Variants in SULT2B1 observed in about 807,000 individuals in gnomAD.
SULT2B1 encodes sulfotransferase family 2B member 1, also known as sulfotransferase 2B1.
Under a neutral mutation model 33.2 loss-of-function variants are expected in SULT2B1, and 16 were observed. The observed-to-expected ratio is 0.48, with a 90% CI of 0.33 to 0.73. The LOEUF (loss-of-function observed/expected upper bound fraction) is 0.73. SULT2B1 is among the 30% of genes least tolerant of loss of function. The probability of loss-of-function intolerance (pLI) is 0.02; values close to 1 mark genes in which losing one functional copy is unlikely to be tolerated. For missense variants in SULT2B1, 500 were observed against 506.0 expected, an observed-to-expected ratio of 0.99 and a Z score of 0.11; for synonymous variants, 186 against 200.5, an observed-to-expected ratio of 0.93 and a Z score of 0.61.
chr19:48,594,574 G>A (rs757368449), intron 5 of SULT2B1, among the ~76,000 whole-genome samples: 11 of 152,144 alleles, frequency 7.2e-5, no homozygotes, highest in Admixed American at 3.9e-4. Flanking sequence ...GGTGTGAGGC[G>A]CCGCCCACAT....
chr19:48,571,456 C>T (rs1031651928), intron 1 of SULT2B1, among the ~76,000 whole-genome samples: 3 of 151,904 alleles, frequency 2.0e-5, no homozygotes, highest in Non-Finnish European at 4.4e-5. Flanking sequence ...CTCAGCCTCC[C>T]AAAGTGCTGG....
At chr19:48,559,432 G>A (rs1301026250) in intron 1 of SULT2B1, among the ~76,000 whole-genome samples, 4 of 151,992 alleles carry the variant, frequency 2.6e-5, no homozygotes, top group African/African-American at 4.8e-5. Flanking sequence ...GAGCAGTGGC[G>A]TGATTTTAGC....
chr19:48,576,363 T>TCTTTTTTTC (rs1439371386), intron 2 of SULT2B1, among the ~76,000 whole-genome samples: 1 of 116,948 alleles, frequency 8.6e-6, no homozygotes. Flanking sequence ...ACTTCTCTTT[T>TCTTTTTTTC]TTTTTTTTTT....
intron 2 of SULT2B1, among the ~76,000 whole-genome samples, chr19:48,581,029 C>CTTT (rs57093444): frequency 0.033 from 2,148 of 64,916 alleles, 44 homozygotes; most frequent in East Asian, 0.04. Context: ...ATATATATTC[C>CTTT]TTTTTTTTTT....
chr19:48,578,145 C>T (rs1176485689), intron 2 of SULT2B1, among the ~76,000 whole-genome samples: 2 of 151,570 alleles, frequency 1.3e-5, no homozygotes, highest in East Asian at 1.9e-4. Context: ...CTAGAGAGGT[C>T]GAGGCTCCAG....
At chr19:48,570,839 G>A (rs6509392) in intron 1 of SULT2B1, among the ~76,000 whole-genome samples, 1 of 150,342 alleles carries the variant, frequency 6.7e-6, no homozygotes, top group Non-Finnish European at 1.5e-5. Context: ...TCTCCTGCCT[G>A]AGCCTCCCGA....
chr19:48,590,303 T>C (rs1035755887), intron 3 of SULT2B1, among the ~76,000 whole-genome samples: 2 of 151,638 alleles, frequency 1.3e-5, no homozygotes, highest in East Asian at 2.0e-4. Context: ...AGACCTTGTT[T>C]CTAAAAAATA....
chr19:48,567,719 C>G (rs969465454), intron 1 of SULT2B1, among the ~76,000 whole-genome samples: 1 of 152,122 alleles, frequency 6.6e-6, no homozygotes, highest in African/African-American at 2.4e-5. Flanking sequence ...CCTGTAACCC[C>G]AGCACTCTGG....
intron 1 of SULT2B1, among the ~76,000 whole-genome samples, chr19:48,554,301 A>AC (rs1364789061): frequency 9.3e-6 from 1 of 107,140 alleles, no homozygotes; most frequent in Non-Finnish European, 1.9e-5. Context: ...TACGCCACGT[A>AC]CCCCCCCAGA....
intron 1 of SULT2B1, among the ~76,000 whole-genome samples, chr19:48,558,245 A>G (rs930692931): frequency 4.6e-5 from 7 of 152,198 alleles, no homozygotes; most frequent in Admixed American, 2.6e-4. Flanking sequence ...GGGAAGCCTG[A>G]CTGTATCACG....
At chr19:48,564,679 T>A (rs1051720293) in intron 1 of SULT2B1, among the ~76,000 whole-genome samples, 1 of 151,988 alleles carries the variant, frequency 6.6e-6, no homozygotes, top group African/African-American at 2.4e-5. Context: ...TTTTTAAAAT[T>A]TTTTTCTTTT....
At chr19:48,589,010 GCGGCAGGGA>G (rs1973606442) in intron 3 of SULT2B1, among the ~76,000 whole-genome samples, 1 of 152,212 alleles carries the variant, frequency 6.6e-6, no homozygotes, top group Non-Finnish European at 1.5e-5. Context: ...ACGAGGCAGC[GCGGCAGGGA>G]TCGCAGCAGA....
chr19:48,594,526 C>G (rs1410598586), intron 5 of SULT2B1, among the ~76,000 whole-genome samples: 1 of 152,194 alleles, frequency 6.6e-6, no homozygotes, highest in Non-Finnish European at 1.5e-5. Flanking sequence ...AAACCCAGAA[C>G]TGGGCCACAG....
intron 1 of SULT2B1, among the ~76,000 whole-genome samples, chr19:48,563,139 TC>T (rs1973201995): frequency 6.6e-6 from 1 of 152,102 alleles, no homozygotes; most frequent in African/African-American, 2.4e-5. Context: ...GATTTTGAAC[TC>T]CCGGGCTCAA....
intron 3 of SULT2B1, among the ~76,000 whole-genome samples, chr19:48,590,329 T>C (rs1253879984): frequency 6.6e-6 from 1 of 151,054 alleles, no homozygotes; most frequent in Non-Finnish European, 1.5e-5. Context: ...AGGCTGGGCA[T>C]GGTGGCTCAT....
At chr19:48,596,521 T>C (rs1286226840) in intron 5 of SULT2B1, 2 of 450,774 alleles carry the variant, frequency 4.4e-6, no homozygotes, top group Non-Finnish European at 7.8e-6. Flanking sequence ...AGCCCACCTA[T>C]TCCCTCCCAC....
intron 5 of SULT2B1, among the ~76,000 whole-genome samples, chr19:48,595,627 C>A (rs1457267031): frequency 6.7e-6 from 1 of 149,108 alleles, no homozygotes; most frequent in Non-Finnish European, 1.5e-5. Flanking sequence ...ATTGGAAGAG[C>A]TGTGACCAGA....
At chr19:48,564,836 G>A (rs1275102579) in intron 1 of SULT2B1, among the ~76,000 whole-genome samples, 2 of 151,974 alleles carry the variant, frequency 1.3e-5, no homozygotes, top group Non-Finnish European at 2.9e-5. Flanking sequence ...TGTTGCCCAG[G>A]CTACAGTGCA....
chr19:48,570,241 G>A (rs1016309170), intron 1 of SULT2B1, among the ~76,000 whole-genome samples: 12 of 149,852 alleles, frequency 8.0e-5, no homozygotes, highest in African/African-American at 9.8e-5. Context: ...GTGCAATGGC[G>A]CGATCTGGGC....
Sources: allele counts gnomAD v4.1 joint callset (sites outside exome capture counted in the v4.1 genomes callset), GRCh38; gene constraint gnomAD v4.1.1; transcripts MANE v1.5; gene names NCBI Gene and HGNC (gene_info 2026-07-23, HGNC 2026-07-21).